Variants in ADAMTSL1 observed in about 807,000 individuals in gnomAD.
ADAMTSL1 encodes the protein ADAMTS like 1.
A neutral mutation model predicts 201.8 loss-of-function variants in ADAMTSL1; 126 were observed. The observed-to-expected ratio is 0.62, with a 90% CI of 0.54 to 0.72. ADAMTSL1 has a LOEUF of 0.72. Ranked by LOEUF, ADAMTSL1 falls within the 30% of genes least tolerant of loss-of-function variation. ADAMTSL1 has a pLI of 0.00. For missense variants in ADAMTSL1, 2,679 were observed against 2,277.8 expected (o/e 1.18, Z -3.59); for synonymous variants, 1,121 against 903.4 (o/e 1.24, Z -4.32).
chr9:18,153,707 C>G (rs1003520232), intron 1 of ADAMTSL1, among the ~76,000 whole-genome samples: 4 of 151,988 alleles, frequency 2.6e-5, no homozygotes, highest in Non-Finnish European at 4.4e-5. Context: ...AGTCATTACG[C>G]TTAGAATTAC....
intron 7 of ADAMTSL1, among the ~76,000 whole-genome samples, chr9:18,647,267 T>G (rs1442452083): frequency 6.6e-6 from 1 of 152,184 alleles, no homozygotes; most frequent in Non-Finnish European, 1.5e-5. Context: ...ATCTATTTGA[T>G]TCTTCTCTCT....
At chr9:18,791,338 C>T (rs1822033675) in intron 19 of ADAMTSL1, among the ~76,000 whole-genome samples, 1 of 152,134 alleles carries the variant, frequency 6.6e-6, no homozygotes, top group Non-Finnish European at 1.5e-5. Flanking sequence ...TGTATAATAA[C>T]AGGAGTCAAA....
intron 1 of ADAMTSL1, among the ~76,000 whole-genome samples, chr9:18,060,911 CCTT>C (rs1166326508): frequency 6.6e-6 from 1 of 152,134 alleles, no homozygotes; most frequent in Non-Finnish European, 1.5e-5. Flanking sequence ...AAAAACTTCT[CCTT>C]ATTTCTTTAT....
chr9:18,408,766 A>G (rs1818308137), intron 2 of ADAMTSL1, among the ~76,000 whole-genome samples: 1 of 152,238 alleles, frequency 6.6e-6, no homozygotes, highest in South Asian at 2.1e-4. Flanking sequence ...TTCTCATTAC[A>G]GCAGGCATTT....
At chr9:18,280,091 G>C (rs571312989) in intron 2 of ADAMTSL1, among the ~76,000 whole-genome samples, 1 of 152,124 alleles carries the variant, frequency 6.6e-6, no homozygotes, top group South Asian at 2.1e-4. Context: ...AAGCGTGAGG[G>C]TATTGGAGCC....
chr9:18,007,430 G>A (rs1819872898), intron 1 of ADAMTSL1, among the ~76,000 whole-genome samples: 1 of 151,936 alleles, frequency 6.6e-6, no homozygotes, highest in South Asian at 2.1e-4. Flanking sequence ...CATATCATTA[G>A]CCAGCTACAT....
At chr9:17,997,827 A>T (rs1819445746) in intron 1 of ADAMTSL1, among the ~76,000 whole-genome samples, 1 of 152,012 alleles carries the variant, frequency 6.6e-6, no homozygotes, top group African/African-American at 2.4e-5. Context: ...TGGGGAAAAA[A>T]ATCACCTCTT....
At chr9:18,893,978 A>G (rs1306599849) in intron 26 of ADAMTSL1, among the ~76,000 whole-genome samples, 1 of 152,236 alleles carries the variant, frequency 6.6e-6, no homozygotes, top group Admixed American at 6.5e-5. Context: ...TGGGAGGGGA[A>G]TGTGTCCCAT....
chr9:18,551,103 A>T lies in ADAMTSL1; in HGVS notation c.237+17811A>T, dbSNP rs150300008. On this transcript the variant is annotated intron_variant, in intron 3 of 28. Transcript: ENST00000380548. ...AGAAAAGAATCAAAAAGGATGGTAG[A>T]CAAAAAATACAAAACAAAATGCCAA... Among the ~76,000 whole-genome samples, 465 of 152,078 alleles carry T rather than the reference A, an allele frequency of 3.1e-3. 1 individual carries two copies. Among genetic ancestry groups the T allele is most frequent in the Non-Finnish European group, 4.9e-3 (335 of 67,874 alleles).
intron 1 of ADAMTSL1, among the ~76,000 whole-genome samples, chr9:18,038,902 C>T (rs1475380670): frequency 6.6e-6 from 1 of 152,166 alleles, no homozygotes; most frequent in African/African-American, 2.4e-5. Flanking sequence ...AGATTTCTGC[C>T]ACAGTAATTA....
In ADAMTSL1 at chr9:18,384,460, T is replaced by C. The variant is rs75598186; in HGVS notation, c.208-120369T>C. On this transcript the variant is annotated intron_variant, in intron 2 of 29. Coordinates refer to the ADAMTSL1 transcript ENST00000680146. ...CAAACCATATCAGTACCTGATCATG[T>C]TGATGATACTTAGCAAATGTTAGGT... is the stretch of plus-strand genomic sequence containing the variant. Among the ~76,000 whole-genome samples, 834 of 152,290 alleles carry C rather than the reference T, an allele frequency of 5.5e-3. 2 individuals carry two copies. Among genetic ancestry groups the C allele is most frequent in the Middle Eastern group, 0.031 (9 of 294 alleles).
intron 2 of ADAMTSL1, among the ~76,000 whole-genome samples, chr9:18,524,446 T>G (rs1225127753): frequency 4.6e-5 from 7 of 152,170 alleles, no homozygotes; most frequent in Non-Finnish European, 8.8e-5. Context: ...TTCTCCTGCC[T>G]GATTGCCCTG....
At chr9:18,691,141 G>C (rs1425891445) in intron 13 of ADAMTSL1, among the ~76,000 whole-genome samples, 1 of 152,190 alleles carries the variant, frequency 6.6e-6, no homozygotes, top group Admixed American at 6.5e-5. Context: ...TCATGAGAGA[G>C]TTACTGATTT....
At chr9:18,849,589 G>T (rs1362616710) in intron 23 of ADAMTSL1, among the ~76,000 whole-genome samples, 1 of 152,204 alleles carries the variant, frequency 6.6e-6, no homozygotes, top group African/African-American at 2.4e-5. Context: ...TGATGCCAAG[G>T]AAGGACAGGG....
At chr9:18,899,515 G>C (rs1009705685) in intron 26 of ADAMTSL1, among the ~76,000 whole-genome samples, 2 of 152,168 alleles carry the variant, frequency 1.3e-5, no homozygotes, top group African/African-American at 4.8e-5. Context: ...AAAGGACAGA[G>C]CTGGAGGCAT....
intron 26 of ADAMTSL1, among the ~76,000 whole-genome samples, chr9:18,894,009 G>T (rs576247247): frequency 1.3e-5 from 2 of 151,980 alleles, no homozygotes; most frequent in Non-Finnish European, 2.9e-5. Flanking sequence ...GTGAAGAAAT[G>T]AAGGGAAAAG....
chr9:18,417,315 C>G lies in ADAMTSL1; in HGVS notation c.208-87514C>G, dbSNP rs537624012. ...CTTCATACAATGACCTTGGCTGCCA[C>G]TTTAAACTAGAAACTAGAAAATAAA... is the stretch of plus-strand genomic sequence containing the variant. On this transcript the variant is annotated intron_variant, in intron 2 of 29. Coordinates refer to the ADAMTSL1 transcript ENST00000680146. Among the ~76,000 whole-genome samples, 49 of 133,410 alleles carry G rather than the reference C, an allele frequency of 3.7e-4. 1 individual carries two copies. The South Asian group carries it at 5.9e-3, about 16-fold the overall frequency. 87.5% of individuals were successfully genotyped at this position (133,410 alleles called of 152,430 possible).
intron 2 of ADAMTSL1, among the ~76,000 whole-genome samples, chr9:18,366,985 A>T (rs563931369): frequency 2.0e-5 from 3 of 152,296 alleles, no homozygotes; most frequent in Non-Finnish European, 4.4e-5. Flanking sequence ...ATTAAAGTGC[A>T]TTCTCATTCA....
rs570273791 is a variant in ADAMTSL1 at position 18,838,136 on chromosome 9, G to A, written c.4249+8159G>A. Among the ~76,000 whole-genome samples the A allele has an allele frequency of 4.6e-5, 7 of 152,122 alleles. No individual in the cohort carries two copies. The East Asian group carries it at 9.7e-4, about 21-fold the overall frequency. ...CAGAAGGCAAGGAGAAGCAAGTCAC[G>A]TCTTACATGGATGGTGGCAGGCAAA... On this transcript the variant is annotated intron_variant, in intron 23 of 28. Coordinates refer to ENST00000380548, the MANE Select transcript of ADAMTSL1 (RefSeq NM_001040272.6).
Sources: allele counts gnomAD v4.1 joint callset (sites outside exome capture counted in the v4.1 genomes callset), GRCh38; gene constraint gnomAD v4.1.1; transcripts MANE v1.5; gene names NCBI Gene and HGNC (gene_info 2026-07-23, HGNC 2026-07-21).